Variants in PRIM1 observed in about 807,000 individuals in gnomAD.
PRIM1 encodes DNA primase small subunit.
Under a neutral mutation model 60.2 loss-of-function variants are expected in PRIM1, and 38 were observed. The observed-to-expected ratio is 0.63, with a 90% CI of 0.49 to 0.83. The LOEUF (loss-of-function observed/expected upper bound fraction) is 0.83, where lower values mean the gene tolerates loss of function less well. Ranked by LOEUF, PRIM1 falls within the 40% of genes least tolerant of loss-of-function variation. The probability of loss-of-function intolerance (pLI) is 0.00; values close to 1 mark genes in which losing one functional copy is unlikely to be tolerated. For missense variants in PRIM1, 388 were observed against 506.2 expected, an observed-to-expected ratio of 0.77 and a Z score of 2.24; for synonymous variants, 158 against 160.2, an observed-to-expected ratio of 0.99 and a Z score of 0.10.
chr12:56,738,592 GC>G, intron 10 of PRIM1, 67 bp from the exon 11 acceptor site: 1 of 1,497,206 alleles, frequency 6.7e-7, no homozygotes, highest in Admixed American at 2.0e-5. Context: ...TTGCTCTGTT[GC>G]CAGGCCGGAG....
intron 5 of PRIM1, among the ~76,000 whole-genome samples, chr12:56,745,752 A>G (rs1393195636): frequency 6.6e-6 from 1 of 152,068 alleles, no homozygotes; most frequent in African/African-American, 2.4e-5. Context: ...CAGCCTGGCC[A>G]ACATGGCGAA....
intron 11 of PRIM1, among the ~76,000 whole-genome samples, chr12:56,736,411 G>A (rs1316734333): frequency 6.7e-6 from 1 of 149,422 alleles, no homozygotes; most frequent in Non-Finnish European, 1.5e-5. Flanking sequence ...TAAGAAAGGA[G>A]TTTCACATAA....
intron 12 of PRIM1, among the ~76,000 whole-genome samples, chr12:56,733,703 T>A (rs1262442696): frequency 6.6e-6 from 1 of 151,436 alleles, no homozygotes; most frequent in Non-Finnish European, 1.5e-5. Flanking sequence ...GATTCTCATG[T>A]CTCGGCCTCC....
chr12:56,744,242 C>T, intron 5 of PRIM1, 119 bp from the exon 6 acceptor site: 2 of 675,114 alleles, frequency 3.0e-6, no homozygotes. Flanking sequence ...CGGTGGCTCA[C>T]ACCTGTAATC....
chr12:56,740,889 C>A lies in PRIM1; in HGVS notation c.982+546G>T, dbSNP rs1055536278. Among the ~76,000 whole-genome samples, 4 of 152,250 alleles carry A rather than the reference C, an allele frequency of 2.6e-5. No individual in the cohort carries two copies. In the East Asian group the frequency reaches 7.7e-4, roughly 29 times the overall value. ...AGTGCAGTGGCACCATCACAGCTCA[C>A]TGCAGCCTCAACTTCCCAGGCTCAA... is the stretch of plus-strand genomic sequence containing the variant. On this transcript the variant is annotated intron_variant, in intron 9 of 12. Transcript: ENST00000338193.
chr12:56,739,528 T>G (rs1055595750), intron 9 of PRIM1, among the ~76,000 whole-genome samples, 165 bp from the exon 10 acceptor site: 10 of 152,248 alleles, frequency 6.6e-5, no homozygotes, highest in African/African-American at 1.9e-4. Flanking sequence ...TCACATTAGC[T>G]GTGCCCTTAC....
chr12:56,734,117 T>C (rs758352283), intron 12 of PRIM1, 30 bp downstream of exon 12: 10 of 1,460,496 alleles, frequency 6.8e-6, no homozygotes, highest in East Asian at 6.8e-5. Flanking sequence ...AAGATCTAAC[T>C]AGATAGAAGG....
intron 5 of PRIM1, among the ~76,000 whole-genome samples, chr12:56,744,672 C>T (rs1018942918): frequency 6.6e-6 from 1 of 152,020 alleles, no homozygotes. Flanking sequence ...ATAGGTTATA[C>T]CATATAGCCT....
rs1953913537 is a variant in PRIM1 at position 56,747,031 on chromosome 12, G to T, written c.263C>A (p.Pro88His). ...IDIGAVYSHRPNQHNTVKLGA... is the reference protein window; with the variant it reads ...IDIGAVYSHRHNQHNTVKLGA... Reference sequence around the variant, plus strand: ...CAGCTTCACTGTATTGTGTTGATTGGGCTACAGATACAAAATATTGATCAG... The same window carrying T: ...CAGCTTCACTGTATTGTGTTGATTGTGCTACAGATACAAAATATTGATCAG... The change falls in exon 3 of 13, where the codon CCC becomes CAC. Residue 88 changes from proline to histidine, a missense_variant and splice_region_variant. By Grantham distance (77) the Pro-to-His change is moderately conservative. Around this residue, in one of 3 missense-constraint regions of PRIM1, gnomAD observed 156 missense variants for 175.8 expected, o/e 0.89. Transcript: ENST00000338193. 6.2e-7 allele frequency: 1 copy of T among 1,605,502 alleles called. No individual in the cohort carries two copies. Among genetic ancestry groups the T allele is most frequent in the African/African-American group, 1.3e-5 (1 of 74,736 alleles).
intron 11 of PRIM1, among the ~76,000 whole-genome samples, chr12:56,736,339 T>TTTA (rs1312889248): frequency 8.3e-6 from 1 of 121,060 alleles, no homozygotes; most frequent in African/African-American, 3.5e-5. Flanking sequence ...AATATACAAT[T>TTTA]TTATTCATCC....
chr12:56,736,364 C>A (rs1592331773), intron 11 of PRIM1, among the ~76,000 whole-genome samples: 1 of 132,770 alleles, frequency 7.5e-6, no homozygotes, highest in Non-Finnish European at 1.6e-5. Flanking sequence ...AATTATATAA[C>A]CTATAATGAT....
At chr12:56,746,265 T>A (rs1953906145) in intron 4 of PRIM1, 84 bp from the exon 5 acceptor site, 2 of 1,432,042 alleles carry the variant, frequency 1.4e-6, no homozygotes, top group South Asian at 1.2e-5. Context: ...TTGTTTCCTG[T>A]GCTCCCCATG....
intron 12 of PRIM1, among the ~76,000 whole-genome samples, chr12:56,732,011 G>A (rs1045552811): frequency 1.3e-5 from 2 of 152,178 alleles, no homozygotes; most frequent in African/African-American, 2.4e-5. Context: ...AGTGTCTACT[G>A]AGTAGAGCAT....
intron 2 of PRIM1, among the ~76,000 whole-genome samples, chr12:56,748,107 T>C (rs1953921152): frequency 6.6e-6 from 1 of 152,136 alleles, no homozygotes; most frequent in Non-Finnish European, 1.5e-5. Context: ...CTCTTTCATT[T>C]CCCTGGCAGA....
chr12:56,733,145 G>A (rs1240877743), intron 12 of PRIM1, among the ~76,000 whole-genome samples: 3 of 148,454 alleles, frequency 2.0e-5, no homozygotes, highest in South Asian at 2.1e-4. Context: ...GTGAGCCACC[G>A]TGTCCGGCCT....
At chr12:56,750,963 A>G in intron 2 of PRIM1, 75 bp downstream of exon 2, 1 of 1,050,988 alleles carries the variant, frequency 9.5e-7, no homozygotes, top group Non-Finnish European at 1.3e-6. Flanking sequence ...ATTTAATCTC[A>G]AAACGCAAGA....
intron 5 of PRIM1, among the ~76,000 whole-genome samples, chr12:56,744,627 C>G (rs1565906459): frequency 6.6e-6 from 1 of 152,050 alleles, no homozygotes; most frequent in African/African-American, 2.4e-5. Flanking sequence ...GTATTGAGTA[C>G]AGTAACATGC....
intron 11 of PRIM1, among the ~76,000 whole-genome samples, chr12:56,735,259 C>T (rs537320194): frequency 1.3e-5 from 2 of 151,708 alleles, no homozygotes; most frequent in African/African-American, 2.4e-5. Flanking sequence ...CCACCATGCC[C>T]GGCTAAGTTT....
chr12:56,744,030 A>G, intron 6 of PRIM1, 35 bp downstream of exon 6: 2 of 1,456,946 alleles, frequency 1.4e-6, no homozygotes, highest in South Asian at 2.5e-5. Context: ...GGTAAATCAG[A>G]CACCTTAAAG....
Sources: gnomAD v4.1 joint callset for allele counts (sites outside exome capture counted in the v4.1 genomes callset) on GRCh38, gnomAD v4.1.1 for gene constraint, gnomAD v4.1.1 regional missense constraint, MANE v1.5 for transcripts, NCBI Gene and HGNC (gene_info 2026-07-23, HGNC 2026-07-21) for gene names.